Variants in ZNF638 observed in about 807,000 individuals in gnomAD.
ZNF638 encodes zinc finger protein 638, also known as CTCL tumor antigen se33-1.
ZNF638 carries 46 observed loss-of-function variants against 195.6 expected under a neutral mutation model. The observed-to-expected ratio is 0.24, with a 90% confidence interval of 0.19 to 0.30. The LOEUF is 0.30. ZNF638 is among the 10% of genes least tolerant of loss of function. ZNF638 has a pLI of 1.00. For missense variants in ZNF638, 2,440 were observed against 2,325.3 expected, an observed-to-expected ratio of 1.05 and a Z score of -1.01; for synonymous variants, 845 against 772.0, an observed-to-expected ratio of 1.09 and a Z score of -1.57.
chr2:71,427,735 T>C (rs902457032), intron 24 of ZNF638, among the ~76,000 whole-genome samples: 4 of 152,180 alleles, frequency 2.6e-5, no homozygotes, highest in Admixed American at 6.5e-5. Flanking sequence ...TTTTGATAAA[T>C]AGAAGAACAT....
At chr2:71,398,288 A>G (rs1663886586) in intron 11 of ZNF638, among the ~76,000 whole-genome samples, 1 of 152,164 alleles carries the variant, frequency 6.6e-6, no homozygotes, top group Non-Finnish European at 1.5e-5. Flanking sequence ...TGTTTCATAT[A>G]CACCTTATAT....
Position 71,348,735 on chromosome 2 carries a change from T to A in ZNF638, c.-202-18T>A. 6.6e-7 allele frequency: 1 copy of A among 1,509,988 alleles called. No homozygotes were observed. The highest frequency in any genetic ancestry group is 8.8e-7 in the Non-Finnish European group (1 of 1,131,820). The allele number at this position is 1,509,988 out of a possible 1,614,324, so 93.5% of individuals were successfully genotyped here. Reference sequence around the variant, plus strand: ...AGTTTGAGTTAAAATGATCTAATATTTGTGTTTTAACTTTCAGCTTTGTGT... The same window carrying A: ...AGTTTGAGTTAAAATGATCTAATATATGTGTTTTAACTTTCAGCTTTGTGT... On this transcript the variant is annotated intron_variant, in intron 1 of 27. Coordinates refer to ENST00000264447, the MANE Select transcript of ZNF638 (RefSeq NM_014497.5).
intron 10 of ZNF638, among the ~76,000 whole-genome samples, chr2:71,384,286 T>C (rs2079593149): frequency 6.6e-6 from 1 of 152,242 alleles, no homozygotes; most frequent in Non-Finnish European, 1.5e-5. Flanking sequence ...TCTGCTTTAT[T>C]ATACACGTTG....
intron 3 of ZNF638, among the ~76,000 whole-genome samples, chr2:71,358,337 CT>C (rs2079057079): frequency 6.6e-6 from 1 of 152,154 alleles, no homozygotes; most frequent in African/African-American, 2.4e-5. Flanking sequence ...ATGTATGTAT[CT>C]TTTGGGGAGC....
At position 71,396,132 on chromosome 2, in the gene ZNF638, T is replaced by C. The variant is rs1325887891; in HGVS notation, c.2378-9T>C. 1 of 1,612,184 alleles carries C rather than the reference T, an allele frequency of 6.2e-7. No homozygotes were observed. Among genetic ancestry groups the C allele is most frequent in the East Asian group, 2.2e-5 (1 of 44,806 alleles). ...ATGTAGTACTTAAATGTTTTTCTTG[T>C]TGTTTTAGCCAAAACTGGACAAGCC... On this transcript the variant is annotated splice_polypyrimidine_tract_variant and intron_variant, in intron 10 of 27. Transcript: ENST00000264447.
At chr2:71,385,307 A>G (rs761895373) in intron 10 of ZNF638, among the ~76,000 whole-genome samples, 19 of 152,182 alleles carry the variant, frequency 1.2e-4, no homozygotes, top group Non-Finnish European at 2.5e-4. Context: ...AGAAATGAAA[A>G]CTTAGCTCAT....
rs781563999 is a variant in ZNF638 at position 71,365,398 on chromosome 2, A to G, written c.1718-31A>G. 5 of 1,512,084 alleles carry G rather than the reference A, an allele frequency of 3.3e-6. No homozygotes were observed. In the South Asian group the frequency reaches 5.3e-5, roughly 16 times the overall value. 93.7% of individuals were successfully genotyped at this position (1,512,084 alleles called of 1,614,324 possible). ...ATGGCTCCTACCTTAATTTTTTTCC[A>G]ATTGAAATTATATTTATATCTTTTT... On this transcript the variant is annotated intron_variant, in intron 5 of 27. Transcript: ENST00000264447.
At chr2:71,393,517 C>T (rs148248426) in intron 10 of ZNF638, 2 of 717,946 alleles carry the variant, frequency 2.8e-6, no homozygotes, top group Admixed American at 2.0e-5. Flanking sequence ...ACAGCTTCCT[C>T]AGACGACACA....
At position 71,417,971 on chromosome 2, in the gene ZNF638, G is replaced by C. The variant is rs542536583; in HGVS notation, c.3262-631G>C. Among the ~76,000 whole-genome samples the C allele has an allele frequency of 3.3e-5, 5 of 152,260 alleles. No individual in the cohort carries two copies. The East Asian group carries it at 7.7e-4, about 24-fold the overall frequency. ...ATTTCTCAGAAAAGGCTTCCTTCTA[G>C]TATGTATAAGCTCTGAATGGCAGAT... is the stretch of plus-strand genomic sequence containing the variant. On this transcript the variant is annotated intron_variant, in intron 20 of 27. Transcript: ENST00000264447.
At chr2:71,342,503 C>A (rs2078778887) in intron 1 of ZNF638, among the ~76,000 whole-genome samples, 1 of 152,136 alleles carries the variant, frequency 6.6e-6, no homozygotes, top group Admixed American at 6.5e-5. Flanking sequence ...GTAACTTTTG[C>A]CTCTTTTTGC....
intron 1 of ZNF638, among the ~76,000 whole-genome samples, chr2:71,342,681 TGC>T (rs1378482878): frequency 8.9e-6 from 1 of 112,462 alleles, no homozygotes; most frequent in African/African-American, 2.6e-5. Flanking sequence ...TTTTTGTGCG[TGC>T]GTGTGTGTGT....
chr2:71,418,336 TTAA>T, intron 20 of ZNF638: 1 of 273,508 alleles, frequency 3.7e-6, no homozygotes. Context: ...GCTTCTAAAG[TTAA>T]TAAAGTTTCT....
intron 6 of ZNF638, among the ~76,000 whole-genome samples, chr2:71,366,263 G>T (rs2079198046): frequency 6.6e-6 from 1 of 151,920 alleles, no homozygotes; most frequent in African/African-American, 2.4e-5. Flanking sequence ...GGGAGGCTCA[G>T]GTGGAAGGAT....
intron 8 of ZNF638, among the ~76,000 whole-genome samples, chr2:71,378,268 A>C (rs1195256601): frequency 6.6e-6 from 1 of 152,234 alleles, no homozygotes; most frequent in Non-Finnish European, 1.5e-5. Context: ...AAATGTTTCA[A>C]CTTATACATC....
chr2:71,371,616 T>A (rs2079314865), intron 8 of ZNF638, among the ~76,000 whole-genome samples: 1 of 152,216 alleles, frequency 6.6e-6, no homozygotes. Context: ...GAGTACCTTT[T>A]CGTGTGCCTT....
intron 10 of ZNF638, among the ~76,000 whole-genome samples, chr2:71,381,388 G>T (rs1474586060): frequency 6.6e-6 from 1 of 152,086 alleles, no homozygotes; most frequent in Middle Eastern, 3.2e-3. Context: ...ATGTTTAGTT[G>T]TATAGAGTAT....
intron 10 of ZNF638, among the ~76,000 whole-genome samples, chr2:71,384,176 T>G (rs1184931939): frequency 6.6e-6 from 1 of 152,202 alleles, no homozygotes; most frequent in Admixed American, 6.5e-5. Context: ...ATTCTTTATA[T>G]GTAGCTCCAT....
intron 20 of ZNF638, among the ~76,000 whole-genome samples, chr2:71,410,867 AT>A (rs1234328508): frequency 6.6e-6 from 1 of 151,368 alleles, no homozygotes; most frequent in Non-Finnish European, 1.5e-5. Context: ...TGATTCCAGA[AT>A]TTCTAAAGAG....
chr2:71,359,217 G>C (rs2079070546), intron 3 of ZNF638, among the ~76,000 whole-genome samples: 1 of 152,128 alleles, frequency 6.6e-6, no homozygotes, highest in Admixed American at 6.5e-5. Context: ...TCTGTGTGTT[G>C]AAGACTCTGG....
Sources: allele counts gnomAD v4.1 joint callset (sites outside exome capture counted in the v4.1 genomes callset), GRCh38; gene constraint gnomAD v4.1.1; transcripts MANE v1.5; gene names NCBI Gene and HGNC (gene_info 2026-07-23, HGNC 2026-07-21).